The following STK3 variants were observed in gnomAD, a reference collection of about 807,000 sequenced individuals.
The protein encoded by STK3 is serine/threonine-protein kinase 3.
A neutral mutation model predicts 58.0 loss-of-function variants in STK3; 41 were observed. The ratio of observed to expected loss-of-function variants is 0.71; its 90% CI spans 0.55 to 0.92. The LOEUF (loss-of-function observed/expected upper bound fraction) is 0.92. Among genes scored for constraint, STK3 ranks in the 40% least tolerant of loss-of-function variants. The probability of loss-of-function intolerance (pLI) is 0.00; values close to 1 mark genes in which losing one functional copy is unlikely to be tolerated. For missense variants in STK3, 479 were observed against 602.7 expected (o/e 0.79, Z 2.15); for synonymous variants, 170 against 191.0 (o/e 0.89, Z 0.91).
chr8:98,350,697 A>G, the STK3 span, among the ~76,000 whole-genome samples: 1 of 152,252 alleles, frequency 6.6e-6, no homozygotes. Flanking sequence ...TAAGAGAATG[A>G]GAGCCAAATG....
Position 98,548,176 on chromosome 8 carries a change from C to G in STK3, c.949-15G>C. ...TCATCTTCATCCTGCAAGCAAAATACTGCAATGAGGGAAGACTTTTCTATG... is the reference window on the plus strand; with the variant it reads ...TCATCTTCATCCTGCAAGCAAAATAGTGCAATGAGGGAAGACTTTTCTATG... On this transcript the variant is annotated splice_polypyrimidine_tract_variant and intron_variant, in intron 8 of 10. Transcript: ENST00000419617. The G allele has an allele frequency of 1.3e-6, 2 of 1,494,546 alleles. No homozygotes were observed. The highest frequency in any genetic ancestry group is 2.5e-5 in the East Asian group (1 of 40,322). The allele number at this position is 1,494,546 out of a possible 1,614,324, so 92.6% of individuals were successfully genotyped here.
chr8:98,595,886 G>A (rs547616493), intron 7 of STK3, 146 bp downstream of exon 7: 9 of 861,376 alleles, frequency 1.0e-5, no homozygotes, highest in Non-Finnish European at 1.5e-5. Context: ...CGAGAGGGGA[G>A]GAAAGAAAAG....
At chr8:98,935,956 G>A (rs1002996872) in intron 1 of STK3, among the ~76,000 whole-genome samples, 9 of 151,250 alleles carry the variant, frequency 6.0e-5, no homozygotes, top group East Asian at 5.8e-4. Context: ...TCACTCTGTC[G>A]CCCAGGCTGG....
intron 4 of STK3, among the ~76,000 whole-genome samples, chr8:98,736,317 C>A (rs562122929): frequency 1.3e-5 from 2 of 152,214 alleles, no homozygotes; most frequent in South Asian, 4.1e-4. Context: ...GTAGGGATAA[C>A]ACTAAAAGAA....
rs115577118 is a variant in STK3 at position 98,591,734 on chromosome 8, A to G, written c.822+4298T>C. Among the ~76,000 whole-genome samples the G allele has an allele frequency of 6.7e-3, 1,028 of 152,318 alleles. 8 individuals carry two copies. Among genetic ancestry groups the G allele is most frequent in the African/African-American group, 0.023 (964 of 41,566 alleles). ...TGTAGCATAACACTATAGTGAATTG[A>G]CAATGAATTGCATAAAAGCAGGGTT... On this transcript the variant is annotated intron_variant, in intron 7 of 10. Coordinates refer to ENST00000419617, the MANE Select transcript of STK3 (RefSeq NM_006281.4).
At chr8:98,869,084 AG>A (rs1564072464) in intron 3 of STK3, among the ~76,000 whole-genome samples, 73 of 144,566 alleles carry the variant, frequency 5.0e-4, no homozygotes, top group African/African-American at 2.1e-3. Flanking sequence ...GGAAGGAAGG[AG>A]AGAAAGAGAA....
At chr8:98,398,483 C>T (rs574224127), downstream of STK3, among the ~76,000 whole-genome samples, 19 of 152,252 alleles carry the variant, frequency 1.2e-4, no homozygotes, top group African/African-American at 4.1e-4. Context: ...TCCACCCTAG[C>T]CTTAAATATG....
At chr8:98,346,422 A>AT in the STK3 span, among the ~76,000 whole-genome samples, 10 of 151,494 alleles carry the variant, frequency 6.6e-5, no homozygotes, top group South Asian at 2.1e-4. Flanking sequence ...TAATGTCCAA[A>AT]TTTTTTTTTC....
At chr8:98,803,593 CA>C (rs34316563) in intron 1 of STK3, among the ~76,000 whole-genome samples, 40 of 38,844 alleles carry the variant, frequency 1.0e-3, no homozygotes, top group Admixed American at 2.6e-3. Flanking sequence ...GACTCTGTTT[CA>C]AAAAAAAAAA....
chr8:98,606,125 G>A (rs1816757134), intron 6 of STK3: 1 of 152,314 alleles, frequency 6.6e-6, no homozygotes, highest in Non-Finnish European at 1.5e-5. Flanking sequence ...CTACTTGGGA[G>A]GCTGAGGCAA....
chr8:98,863,347 C>T (rs1837004104), intron 3 of STK3, among the ~76,000 whole-genome samples: 1 of 152,052 alleles, frequency 6.6e-6, no homozygotes, highest in Admixed American at 6.6e-5. Flanking sequence ...AGCTAGATTC[C>T]CTGGATTTCA....
At chr8:98,840,462 C>T (rs1835927661) in intron 3 of STK3, among the ~76,000 whole-genome samples, 1 of 147,490 alleles carries the variant, frequency 6.8e-6, no homozygotes, top group Non-Finnish European at 1.5e-5. Flanking sequence ...GTCTCAGCTA[C>T]TCAGGAGACT....
chr8:98,927,057 C>T (rs1839826026), intron 1 of STK3, among the ~76,000 whole-genome samples: 1 of 152,112 alleles, frequency 6.6e-6, no homozygotes, highest in Admixed American at 6.5e-5. Flanking sequence ...GGCAGGATAA[C>T]CAAGCAGATC....
At chr8:98,422,510 G>A (rs1030903098) in intron 3 of STK3, among the ~76,000 whole-genome samples, 3 of 152,126 alleles carry the variant, frequency 2.0e-5, no homozygotes, top group Non-Finnish European at 2.9e-5. Flanking sequence ...ACATCAAAAC[G>A]GCTCAAGAGG....
chr8:98,941,609 A>G (rs1840434752), intron 1 of STK3, among the ~76,000 whole-genome samples: 1 of 152,252 alleles, frequency 6.6e-6, no homozygotes, highest in Non-Finnish European at 1.5e-5. Flanking sequence ...AGTCAACTCC[A>G]GGGAAGTCTG....
At chr8:98,509,602 A>G (rs1413821796) in intron 10 of STK3, among the ~76,000 whole-genome samples, 1 of 151,948 alleles carries the variant, frequency 6.6e-6, no homozygotes, top group Admixed American at 6.6e-5. Context: ...AGTGTATAAA[A>G]TAAACTATAC....
At chr8:98,838,537 A>G (rs979026449) in intron 3 of STK3, among the ~76,000 whole-genome samples, 5 of 152,302 alleles carry the variant, frequency 3.3e-5, no homozygotes, top group Admixed American at 6.5e-5. Context: ...GCGAAAAAAG[A>G]GGAGAGGTAG....
chr8:98,861,967 G>A (rs1202082339), intron 3 of STK3, among the ~76,000 whole-genome samples: 1 of 152,130 alleles, frequency 6.6e-6, no homozygotes, highest in African/African-American at 2.4e-5. Flanking sequence ...GATTTAATTG[G>A]ATAATTTAAA....
chr8:98,771,305 G>A (rs1831302822), intron 2 of STK3, among the ~76,000 whole-genome samples: 1 of 152,162 alleles, frequency 6.6e-6, no homozygotes, highest in Non-Finnish European at 1.5e-5. Flanking sequence ...AAAGGTCACT[G>A]TACAGACATA....
Sources: gnomAD v4.1 joint callset for allele counts (sites outside exome capture counted in the v4.1 genomes callset) on GRCh38, gnomAD v4.1.1 for gene constraint, MANE v1.5 for transcripts, NCBI Gene and HGNC (gene_info 2026-07-23, HGNC 2026-07-21) for gene names.